ASTN2: variants seen among roughly 807,000 people sequenced by gnomAD.
The protein encoded by ASTN2 is astrotactin 2, also known as astrotactin-2.
Under a neutral mutation model 139.8 loss-of-function variants are expected in ASTN2, and 54 were observed. The observed-to-expected ratio is 0.39, with a 90% confidence interval of 0.31 to 0.48. ASTN2 has a LOEUF of 0.48. ASTN2 is among the 20% of genes least tolerant of loss of function. ASTN2 has a pLI of 0.95. For missense variants in ASTN2, 1,565 were observed against 1,725.1 expected (o/e 0.91, Z 1.64); for synonymous variants, 756 against 719.5 (o/e 1.05, Z -0.81).
chr9:116,557,223 C>CAAAA (rs60756690), intron 19 of ASTN2, among the ~76,000 whole-genome samples: 96 of 53,586 alleles, frequency 1.8e-3, no homozygotes, highest in African/African-American at 3.1e-3. Context: ...GACTCTGTCT[C>CAAAA]AAAAAAAAAA....
At chr9:116,943,307 T>A (rs115545736) in intron 10 of ASTN2, among the ~76,000 whole-genome samples, 2,465 of 152,246 alleles carry the variant, frequency 0.016, 61 homozygotes, top group Middle Eastern at 0.071. Flanking sequence ...CACTTTCAGC[T>A]CAGGCTCAGA....
chr9:117,050,143 C>T (rs1312561284), intron 5 of ASTN2, among the ~76,000 whole-genome samples: 2 of 151,964 alleles, frequency 1.3e-5, no homozygotes, highest in Non-Finnish European at 2.9e-5. Context: ...CCCACACCAC[C>T]GATGAATTGG....
intron 13 of ASTN2, among the ~76,000 whole-genome samples, chr9:116,789,292 T>C (rs1830466292): frequency 6.6e-6 from 1 of 152,178 alleles, no homozygotes; most frequent in African/African-American, 2.4e-5. Flanking sequence ...GGGTTTAAGG[T>C]TCTTTCAAAG....
chr9:116,713,877 G>A (rs932106563), intron 16 of ASTN2, among the ~76,000 whole-genome samples: 1 of 152,146 alleles, frequency 6.6e-6, no homozygotes, highest in African/African-American at 2.4e-5. Flanking sequence ...CTCAGTACAT[G>A]GCATAAGGAC....
rs150598270 is a variant in ASTN2, at chr9:117,130,192, T to C, written c.1168+11134A>G. ...GGCATAGTGGCATGCACTTGTGGTC[T>C]TGACTACTCAGGAGGCTGCAGTGGG... On this transcript the variant is annotated intron_variant, in intron 4 of 22. Transcript: ENST00000313400. Among the ~76,000 whole-genome samples the C allele has an allele frequency of 6.8e-3, 1,028 of 152,220 alleles. 9 individuals are homozygous for C. Among genetic ancestry groups the C allele is most frequent in the African/African-American group, 0.023 (969 of 41,534 alleles).
At chr9:116,735,713 C>T (rs1008007184) in intron 13 of ASTN2, among the ~76,000 whole-genome samples, 1 of 152,204 alleles carries the variant, frequency 6.6e-6, no homozygotes, top group African/African-American at 2.4e-5. Flanking sequence ...CCTACAAGAT[C>T]CCCAGCACTT....
intron 1 of ASTN2, among the ~76,000 whole-genome samples, chr9:117,315,922 A>T (rs1828129564): frequency 1.3e-5 from 2 of 152,218 alleles, no homozygotes; most frequent in East Asian, 3.8e-4. Context: ...AATTGTGGGC[A>T]GATGGTAGTC....
chr9:116,725,913 G>T lies in ASTN2; in HGVS notation c.2664C>A (p.Ser888Arg). The T allele has an allele frequency of 6.2e-7, 1 of 1,613,864 alleles. No homozygotes were observed. Among genetic ancestry groups the T allele is most frequent in the Non-Finnish European group, 8.5e-7 (1 of 1,179,954 alleles). The change falls in exon 16 of 23, where the codon AGC (serine) becomes AGA (arginine). Residue 888 changes from serine (S) to arginine (R), a missense_variant. Physicochemically the swap from Ser to Arg is moderately radical, Grantham distance 110. Coordinates refer to ENST00000313400, the MANE Select transcript of ASTN2 (RefSeq NM_001365068.1). ...TGAAGGACAGCAGCTCCTCCCGACT[G>T]CTCTCCTTGGTCAGGATCTTGAGAA... The part of the protein sequence containing the change: ...TNVLKILTKE[S>R]SREELLSFIQ...
intron 16 of ASTN2, among the ~76,000 whole-genome samples, chr9:116,671,906 T>C (rs1043697366): frequency 9.2e-5 from 14 of 152,140 alleles, no homozygotes; most frequent in African/African-American, 2.9e-4. Context: ...TGATTGCAGT[T>C]TTGTAAGACA....
intron 10 of ASTN2, among the ~76,000 whole-genome samples, chr9:116,928,261 T>C (rs1017932175): frequency 2.0e-5 from 3 of 152,194 alleles, no homozygotes; most frequent in Admixed American, 1.3e-4. Flanking sequence ...AGAAGGGACT[T>C]TGGAAGCCTC....
intron 11 of ASTN2, among the ~76,000 whole-genome samples, chr9:116,859,180 G>T (rs1426488180): frequency 6.6e-6 from 1 of 152,138 alleles, no homozygotes; most frequent in African/African-American, 2.4e-5. Context: ...GCTCTTTTAA[G>T]GTCAGCTAAT....
chr9:117,330,850 G>A (rs1033308467), intron 1 of ASTN2, among the ~76,000 whole-genome samples: 1 of 152,190 alleles, frequency 6.6e-6, no homozygotes. Context: ...CTGAAATGAA[G>A]GGGATGTGCC....
chr9:116,466,251 T>C (rs1439642142), intron 20 of ASTN2, among the ~76,000 whole-genome samples: 1 of 151,948 alleles, frequency 6.6e-6, no homozygotes, highest in Non-Finnish European at 1.5e-5. Flanking sequence ...ACAAAACTGT[T>C]CCCCCTCTTG....
At chr9:117,090,397 C>T (rs1828676667) in intron 5 of ASTN2, among the ~76,000 whole-genome samples, 1 of 152,020 alleles carries the variant, frequency 6.6e-6, no homozygotes, top group South Asian at 2.1e-4. Flanking sequence ...GGCTACAGTT[C>T]TGTGCTTTGG....
rs1588069731 is a variant in ASTN2 at position 116,449,310 on chromosome 9, G to A, written c.3498-6757C>T. Among the ~76,000 whole-genome samples, 3 of 152,280 alleles carry A rather than the reference G, an allele frequency of 2.0e-5. No homozygotes were observed. The East Asian group carries it at 5.8e-4, about 29-fold the overall frequency. On this transcript the variant is annotated intron_variant, in intron 20 of 22. Transcript: ENST00000313400. ...AGTCCCAGCTACTAGGGAGGCTGAG[G>A]TGGGAGGATCATTTGAGCCTGGGAG...
At chr9:116,475,189 T>C (rs1372013965) in intron 20 of ASTN2, among the ~76,000 whole-genome samples, 5 of 152,206 alleles carry the variant, frequency 3.3e-5, no homozygotes, top group African/African-American at 1.2e-4. Flanking sequence ...AACATCTAGA[T>C]TTCTGGCTTG....
At chr9:116,855,978 T>C (rs570870941) in intron 11 of ASTN2, among the ~76,000 whole-genome samples, 3 of 152,152 alleles carry the variant, frequency 2.0e-5, no homozygotes, top group Non-Finnish European at 4.4e-5. Context: ...GTATTACTGA[T>C]CAAGGTATTC....
At position 116,599,217 on chromosome 9, in the gene ASTN2, C is replaced by T. The variant is rs1588057352; in HGVS notation, c.3355+19107G>A. 2.6e-5 allele frequency among the ~76,000 whole-genome samples: 4 copies of T among 152,244 alleles called. No homozygotes were observed. The South Asian group carries it at 8.3e-4, about 32-fold the overall frequency. On this transcript the variant is annotated intron_variant, in intron 19 of 22. Coordinates refer to ENST00000313400, the MANE Select transcript of ASTN2 (RefSeq NM_001365068.1). Reference sequence around the variant, plus strand: ...ACGTGAGGGTGTGAGTCTAAAGTTGCCAGAACTCACTATTTTCCAGCAGAA... The same window carrying T: ...ACGTGAGGGTGTGAGTCTAAAGTTGTCAGAACTCACTATTTTCCAGCAGAA...
intron 4 of ASTN2, among the ~76,000 whole-genome samples, chr9:117,132,006 T>A (rs752878430): frequency 6.6e-6 from 1 of 152,226 alleles, no homozygotes; most frequent in Non-Finnish European, 1.5e-5. Flanking sequence ...AAATAGCCAA[T>A]GATTTCACAA....
Sources: gnomAD v4.1 joint callset for allele counts (sites outside exome capture counted in the v4.1 genomes callset) on GRCh38, gnomAD v4.1.1 for gene constraint, MANE v1.5 for transcripts, NCBI Gene and HGNC (gene_info 2026-07-23, HGNC 2026-07-21) for gene names.